FMN1: variants seen among roughly 807,000 people sequenced by gnomAD.
FMN1 encodes formin 1, also known as formin-1.
A neutral mutation model predicts 132.4 loss-of-function variants in FMN1; 110 were observed. The ratio of observed to expected loss-of-function variants is 0.83; its 90% CI spans 0.71 to 0.97. The LOEUF is 0.97. Ranked by LOEUF, FMN1 falls within the 50% of genes least tolerant of loss-of-function variation. FMN1 has a pLI of 0.00. For synonymous variants in FMN1, 722 were observed against 651.7 expected, an observed-to-expected ratio of 1.11 and a Z score of -1.64; for missense variants, 1,792 against 1,705.3, an observed-to-expected ratio of 1.05 and a Z score of -0.90.
chr15:33,178,954 T>C (rs1054899928), intron 3 of FMN1, among the ~76,000 whole-genome samples: 2 of 152,190 alleles, frequency 1.3e-5, no homozygotes, highest in African/African-American at 2.4e-5. Flanking sequence ...ATTCAGTAAA[T>C]AGTGGATTAA....
At chr15:33,016,394 G>A (rs1430363961) in intron 6 of FMN1, among the ~76,000 whole-genome samples, 2 of 152,202 alleles carry the variant, frequency 1.3e-5, no homozygotes, top group Non-Finnish European at 2.9e-5. Flanking sequence ...ATAAGCTTAT[G>A]AAACCAAAGT....
At chr15:33,056,776 A>G (rs2037236462) in intron 6 of FMN1, among the ~76,000 whole-genome samples, 1 of 152,248 alleles carries the variant, frequency 6.6e-6, no homozygotes, top group South Asian at 2.1e-4. Flanking sequence ...GGGAATGAAA[A>G]TAAATGAACT....
chr15:32,895,545 G>T (rs909464051), intron 15 of FMN1, among the ~76,000 whole-genome samples: 2 of 152,098 alleles, frequency 1.3e-5, no homozygotes, highest in Admixed American at 6.6e-5. Context: ...TCAACGGCAG[G>T]CTAAATATGA....
chr15:33,190,656 C>T (rs140955966), intron 2 of FMN1, among the ~76,000 whole-genome samples: 1 of 152,140 alleles, frequency 6.6e-6, no homozygotes, highest in Non-Finnish European at 1.5e-5. Flanking sequence ...GTCTTCAGAT[C>T]GTATCATGTT....
intron 7 of FMN1, among the ~76,000 whole-genome samples, chr15:32,985,874 C>T (rs2033035601): frequency 6.6e-6 from 1 of 152,090 alleles, no homozygotes; most frequent in East Asian, 1.9e-4. Flanking sequence ...TGTGAATGCA[C>T]ATCACATTTT....
chr15:33,124,848 ATTTT>A (rs56689144), intron 4 of FMN1, among the ~76,000 whole-genome samples: 2 of 146,776 alleles, frequency 1.4e-5, no homozygotes, highest in African/African-American at 2.5e-5. Context: ...ATTTTTCTGC[ATTTT>A]TTTTTTTAAT....
intron 17 of FMN1, among the ~76,000 whole-genome samples, chr15:32,819,762 C>A (rs1047929072): frequency 6.6e-6 from 1 of 152,014 alleles, no homozygotes; most frequent in Non-Finnish European, 1.5e-5. Flanking sequence ...AGAAAAAAAA[C>A]CACTTCTCAT....
At chr15:33,023,059 C>CAAAAAAAAA (rs758459713) in intron 6 of FMN1, among the ~76,000 whole-genome samples, 4 of 53,208 alleles carry the variant, frequency 7.5e-5, no homozygotes, top group Non-Finnish European at 1.4e-4. Flanking sequence ...CTCCCCCACC[C>CAAAAAAAAA]AAAAAAAAAA....
At chr15:32,991,446 C>G (rs2033428633) in intron 7 of FMN1, among the ~76,000 whole-genome samples, 1 of 152,146 alleles carries the variant, frequency 6.6e-6, no homozygotes, top group African/African-American at 2.4e-5. Context: ...ATCTAAACAA[C>G]ACTGTGGTGA....
intron 4 of FMN1, among the ~76,000 whole-genome samples, chr15:33,128,891 C>T (rs1392057478): frequency 2.0e-5 from 3 of 152,346 alleles, no homozygotes; most frequent in African/African-American, 7.2e-5. Context: ...AGCTTTTATT[C>T]CCTTATTTGG....
intron 4 of FMN1, chr15:33,106,248 C>T (rs2039478889): frequency 6.6e-6 from 1 of 150,656 alleles, no homozygotes; most frequent in African/African-American, 2.5e-5. Context: ...AAATAAATTC[C>T]TATTTTGATT....
chr15:33,061,757 T>G (rs968018018), intron 6 of FMN1, among the ~76,000 whole-genome samples: 1 of 152,016 alleles, frequency 6.6e-6, no homozygotes, highest in Non-Finnish European at 1.5e-5. Context: ...CCAACAGTCC[T>G]AAACAATATA....
chr15:32,922,579 A>C (rs1027214197), intron 10 of FMN1, among the ~76,000 whole-genome samples: 11 of 152,200 alleles, frequency 7.2e-5, no homozygotes, highest in African/African-American at 2.7e-4. Flanking sequence ...TTACAAAAGA[A>C]GAAGAGAAGA....
At chr15:33,133,764 C>G (rs1386367461) in intron 4 of FMN1, among the ~76,000 whole-genome samples, 2 of 152,130 alleles carry the variant, frequency 1.3e-5, no homozygotes, top group East Asian at 3.9e-4. Flanking sequence ...GCAAATATAT[C>G]AAACTATTTG....
chr15:32,984,978 CAAA>C (rs11330959), intron 7 of FMN1, among the ~76,000 whole-genome samples: 2,656 of 97,286 alleles, frequency 0.027, 67 homozygotes, highest in East Asian at 0.16. Context: ...CATCCATCAC[CAAA>C]AAAAAAAAAA....
At position 33,065,047 on chromosome 15, in the gene FMN1, C is replaced by T. The variant is rs1331356865; in HGVS notation, c.2071G>A (p.Asp691Asn). 2.5e-6 allele frequency: 4 copies of T among 1,610,730 alleles called. No individual in the cohort carries two copies. The highest frequency in any genetic ancestry group is 1.1e-5 in the South Asian group (1 of 90,296). Residue 691 changes from aspartate (D) to asparagine (N), a missense_variant, in exon 6 of 21, where the codon GAC (aspartate) becomes AAC (asparagine). This residue lies in a region of FMN1 where 1,150 missense variants were observed against 1,043.1 expected (regional missense o/e 1.10). Coordinates refer to ENST00000616417, the MANE Select transcript of FMN1 (RefSeq NM_001277313.2). Reference sequence around the variant, plus strand: ...GCTTGAAGTCTGCCAGGAGTCCTGTCATCCTGCTCAGTCAGGCTGTGGTCA... The same window carrying T: ...GCTTGAAGTCTGCCAGGAGTCCTGTTATCCTGCTCAGTCAGGCTGTGGTCA... The part of the protein sequence containing the change: ...HPDHSLTEQD[D>N]RTPGRLQAVW...
chr15:32,859,735 G>A (rs1277836291), intron 16 of FMN1, among the ~76,000 whole-genome samples: 1 of 152,164 alleles, frequency 6.6e-6, no homozygotes, highest in African/African-American at 2.4e-5. Flanking sequence ...TCTGGCGAAA[G>A]CATCAGATTT....
At chr15:33,048,645 A>AAAAAAAAAAAAAAAAAC (rs1566865413) in intron 6 of FMN1, among the ~76,000 whole-genome samples, 1 of 83,252 alleles carries the variant, frequency 1.2e-5, no homozygotes, top group African/African-American at 4.3e-5. Flanking sequence ...AAAAAAAAAA[A>AAAAAAAAAAAAAAAAAC]AAAACCAACA....
chr15:32,828,946 C>T (rs1198412060), intron 17 of FMN1, among the ~76,000 whole-genome samples: 1 of 152,130 alleles, frequency 6.6e-6, no homozygotes, highest in Non-Finnish European at 1.5e-5. Flanking sequence ...TAAGGCAAAA[C>T]TCTTTATCTG....
Sources: gnomAD v4.1 joint callset for allele counts (sites outside exome capture counted in the v4.1 genomes callset) on GRCh38, gnomAD v4.1.1 for gene constraint, gnomAD v4.1.1 regional missense constraint, MANE v1.5 for transcripts, NCBI Gene and HGNC (gene_info 2026-07-23, HGNC 2026-07-21) for gene names.